AP4E1: variants seen among roughly 807,000 people sequenced by gnomAD.
The protein encoded by AP4E1 is adaptor related protein complex 4 subunit epsilon 1, also known as AP-4 complex subunit epsilon-1.
AP4E1 carries 56 observed loss-of-function variants against 128.2 expected under a neutral mutation model. The observed-to-expected ratio is 0.44, with a 90% CI of 0.35 to 0.55. AP4E1 has a LOEUF of 0.55. AP4E1 is among the 20% of genes least tolerant of loss of function. AP4E1 has a pLI of 0.00. For synonymous variants in AP4E1, 484 were observed against 473.1 expected, an observed-to-expected ratio of 1.02 and a Z score of -0.30; for missense variants, 1,324 against 1,307.7, an observed-to-expected ratio of 1.01 and a Z score of -0.19.
At position 50,948,175 on chromosome 15, in the gene AP4E1, G is replaced by A. The variant is rs745401976; in HGVS notation, c.1316+16G>A. ...TGGCTGAGAAATATCCTTTTATTTC[G>A]ACCATGAGTCTTAAAATAGTTAGTT... On this transcript the variant is annotated intron_variant, in intron 11 of 20. Coordinates refer to ENST00000261842, the MANE Select transcript of AP4E1 (RefSeq NM_007347.5). The A allele has an allele frequency of 1.1e-5, 18 of 1,612,960 alleles. No homozygotes were observed. Among genetic ancestry groups the A allele is most frequent in the East Asian group, 6.7e-5 (3 of 44,776 alleles).
At chr15:50,986,399 A>G (rs902846747) in intron 16 of AP4E1, among the ~76,000 whole-genome samples, 19 of 152,190 alleles carry the variant, frequency 1.2e-4, no homozygotes, top group Non-Finnish European at 2.4e-4. Context: ...TTTCAAAGGG[A>G]ATGCTTCCAG....
At chr15:50,968,820 G>T (rs145637050) in intron 15 of AP4E1, among the ~76,000 whole-genome samples, 1 of 145,030 alleles carries the variant, frequency 6.9e-6, no homozygotes, top group Non-Finnish European at 1.5e-5. Context: ...TAGAGATGGG[G>T]TTTCAAACTT....
chr15:50,977,074 A>G (rs1436135243), intron 15 of AP4E1, among the ~76,000 whole-genome samples: 3 of 152,216 alleles, frequency 2.0e-5, no homozygotes, highest in Non-Finnish European at 2.9e-5. Flanking sequence ...ATTGGGGGAA[A>G]AAGTAAACTT....
At position 51,004,403 on chromosome 15, in the gene AP4E1, G is replaced by A. The variant is rs533890372; in HGVS notation, c.*1741G>A. The A allele has an allele frequency of 6.6e-6, 1 of 152,360 alleles. No homozygotes were observed. The highest frequency in any genetic ancestry group is 2.1e-4 in the South Asian group (1 of 4,822). The allele number at this position is 152,360 out of a possible 1,614,324, so 9.4% of individuals were successfully genotyped here. On this transcript the variant is annotated 3_prime_UTR_variant, in exon 21 of 21. Transcript: ENST00000261842. ...ATTTTTTGTGTCCTTACTTCCCTAT[G>A]TTTGCCTAGTTACTGAGGCTAGGTC...
chr15:50,988,768 A>G (rs560281472), intron 16 of AP4E1, among the ~76,000 whole-genome samples: 23 of 152,318 alleles, frequency 1.5e-4, no homozygotes, highest in Middle Eastern at 6.8e-3. Context: ...CCAAAAAATC[A>G]TTAAATTGAA....
At chr15:50,938,545 C>CT (rs2063939799) in intron 8 of AP4E1, among the ~76,000 whole-genome samples, 1 of 152,114 alleles carries the variant, frequency 6.6e-6, no homozygotes, top group African/African-American at 2.4e-5. Flanking sequence ...AGGAAGGCCC[C>CT]TTCCTTACGC....
intron 14 of AP4E1, among the ~76,000 whole-genome samples, chr15:50,962,289 C>G (rs550417176): frequency 6.6e-6 from 1 of 152,104 alleles, no homozygotes; most frequent in South Asian, 2.1e-4. Context: ...CCATGAGACT[C>G]TGAATAGCCA....
At chr15:50,944,813 A>G (rs1209899918) in intron 10 of AP4E1, 33 of 702,284 alleles carry the variant, frequency 4.7e-5, no homozygotes, top group Admixed American at 8.8e-5. Flanking sequence ...CCAAAATGGA[A>G]TGAGTATTTG....
chr15:50,917,264 T>G (rs1386017665), intron 3 of AP4E1, among the ~76,000 whole-genome samples: 1 of 152,246 alleles, frequency 6.6e-6, no homozygotes, highest in South Asian at 2.1e-4. Flanking sequence ...GTGTTAGATG[T>G]GAATACATTT....
At position 50,984,092 on chromosome 15, in the gene AP4E1, C is replaced by T; in HGVS notation, c.2037C>T (p.Gly679=). 1.2e-6 allele frequency: 2 copies of T among 1,613,504 alleles called. No individual in the cohort carries two copies. The highest frequency in any genetic ancestry group is 1.7e-6 in the Non-Finnish European group (2 of 1,179,548). The change falls in exon 16 of 21, where the codon GGC becomes GGT. Residue 679 remains glycine, a synonymous_variant. Coordinates refer to ENST00000261842, the MANE Select transcript of AP4E1 (RefSeq NM_007347.5). The part of the protein sequence containing the change: ...SGFTGRQSPA[G]ISLGSDVSGN... ...TCACTGGACGACAGTCTCCTGCTGG[C>T]ATTTCTCTTGGTTCAGATGTATCTG...
chr15:50,950,274 T>C, intron 13 of AP4E1, 105 bp downstream of exon 13: 1 of 760,730 alleles, frequency 1.3e-6, no homozygotes, highest in Non-Finnish European at 2.1e-6. Context: ...GCTAACTCCT[T>C]CAGCTGTCAA....
chr15:50,922,710 A>G (rs28553983), intron 3 of AP4E1, among the ~76,000 whole-genome samples: 41 of 152,248 alleles, frequency 2.7e-4, no homozygotes, highest in African/African-American at 9.4e-4. Context: ...ACTGACTTCA[A>G]CTGTCTGGGT....
chr15:50,909,696 G>A (rs1397158354), intron 1 of AP4E1, among the ~76,000 whole-genome samples: 1 of 150,250 alleles, frequency 6.7e-6, no homozygotes, highest in Non-Finnish European at 1.5e-5. Context: ...TTTAATTTTT[G>A]TTTTTTTTTG....
chr15:50,960,828 AAG>A (rs2064302970), intron 14 of AP4E1, among the ~76,000 whole-genome samples: 1 of 152,034 alleles, frequency 6.6e-6, no homozygotes, highest in South Asian at 2.1e-4. Context: ...ACAAAAAAAA[AAG>A]AGACAAAAAG....
chr15:50,985,743 G>A (rs996162607), intron 16 of AP4E1, among the ~76,000 whole-genome samples: 2 of 152,186 alleles, frequency 1.3e-5, no homozygotes, highest in Non-Finnish European at 2.9e-5. Flanking sequence ...GTCAGGTAGA[G>A]TGATGCCTCC....
chr15:50,982,408 G>A (rs1011580593), intron 15 of AP4E1, among the ~76,000 whole-genome samples: 1 of 152,160 alleles, frequency 6.6e-6, no homozygotes, highest in Non-Finnish European at 1.5e-5. Context: ...TCCAAACATG[G>A]TTATGAATCA....
intron 8 of AP4E1, among the ~76,000 whole-genome samples, chr15:50,936,464 T>A (rs1323796252): frequency 6.6e-6 from 1 of 151,972 alleles, no homozygotes; most frequent in Non-Finnish European, 1.5e-5. Flanking sequence ...TGCACATGGG[T>A]CAAAATTCAA....
At chr15:50,969,483 A>G (rs990343188) in intron 15 of AP4E1, among the ~76,000 whole-genome samples, 2 of 148,138 alleles carry the variant, frequency 1.4e-5, no homozygotes, top group South Asian at 4.3e-4. Context: ...AGTGAGCTTC[A>G]TTTTTATTTT....
Position 50,949,931 on chromosome 15 carries a change from A to C in AP4E1, c.1422A>C (p.Leu474=). The change falls in exon 12 of 21, where the codon CTA becomes CTC. Residue 474 remains leucine, a synonymous_variant. Transcript: ENST00000261842. The part of the protein sequence containing the change: ...PDIPNNFLRL[L]AEGFDDETED... Reference sequence around the variant, plus strand: ...TTCCCAATAACTTTCTGAGACTACTAGCGGAAGGTTGGTACACTATTATAT... The same window carrying C: ...TTCCCAATAACTTTCTGAGACTACTCGCGGAAGGTTGGTACACTATTATAT... 6.2e-7 allele frequency: 1 copy of C among 1,611,630 alleles called. No individual in the cohort carries two copies. Among genetic ancestry groups the C allele is most frequent in the Non-Finnish European group, 8.5e-7 (1 of 1,177,822 alleles).
Sources: allele counts gnomAD v4.1 joint callset (sites outside exome capture counted in the v4.1 genomes callset), GRCh38; gene constraint gnomAD v4.1.1; transcripts MANE v1.5; gene names NCBI Gene and HGNC (gene_info 2026-07-23, HGNC 2026-07-21).